SLC12A7: variants seen among roughly 807,000 people sequenced by gnomAD.
SLC12A7 encodes K-Cl cotransporter 4.
In SLC12A7, 100 loss-of-function variants were observed where a neutral mutation model predicts 120.6. The observed-to-expected ratio is 0.83, with a 90% CI of 0.71 to 0.98. SLC12A7 has a LOEUF of 0.98. Among genes scored for constraint, SLC12A7 ranks in the 50% least tolerant of loss-of-function variants. The pLI is 0.00. For missense variants in SLC12A7, 1,373 were observed against 1,548.1 expected, an observed-to-expected ratio of 0.89 and a Z score of 1.90; for synonymous variants, 760 against 678.0, an observed-to-expected ratio of 1.12 and a Z score of -1.88.
rs1382364088 is a variant in SLC12A7, at chr5:1,070,068, CACGGGCATCACACTTAT to C, written c.2241+3548_2241+3564del. ...GTGAGCCCCCAGTGAGCCCCCAGCA[CACGGGCATCACACTTAT>C]GCAGCCCCCAGTGAGCCCCCAGCAC... On this transcript the variant is annotated intron_variant, in intron 17 of 23. Transcript: ENST00000264930. 3.5e-3 allele frequency among the ~76,000 whole-genome samples: 61 copies of C among 17,378 alleles called. 4 individuals carry two copies. Among genetic ancestry groups the C allele is most frequent in the African/African-American group, 0.014 (49 of 3,460 alleles). 11.4% of individuals were successfully genotyped at this position (17,378 alleles called of 152,430 possible).
intron 4 of SLC12A7, 47 bp from the exon 5 acceptor site, chr5:1,088,407 G>A (rs1740126173): frequency 1.9e-6 from 3 of 1,542,332 alleles, no homozygotes; most frequent in Non-Finnish European, 2.6e-6. Context: ...CCAACAGCCT[G>A]CCGGCATCGC....
At chr5:1,129,659 C>T in the SLC12A7 span, among the ~76,000 whole-genome samples, 1,450 of 151,962 alleles carry the variant, frequency 9.5e-3, 13 homozygotes, top group Non-Finnish European at 0.016. Flanking sequence ...AAAGCCCTCA[C>T]GCGGATGAAC....
chr5:1,078,419 C>G (rs1297146639), intron 11 of SLC12A7: 2 of 571,386 alleles, frequency 3.5e-6, no homozygotes, highest in Non-Finnish European at 6.2e-6. Flanking sequence ...TCTCCCAGGG[C>G]CAAGCCTCAC....
intron 11 of SLC12A7, 70 bp from the exon 12 acceptor site, chr5:1,078,077 C>T: frequency 1.3e-6 from 2 of 1,483,528 alleles, no homozygotes. Flanking sequence ...ATGTCTTCTC[C>T]CACCCAGAGC....
At chr5:1,137,130 A>C in the SLC12A7 span, among the ~76,000 whole-genome samples, 1 of 152,190 alleles carries the variant, frequency 6.6e-6, no homozygotes, top group African/African-American at 2.4e-5. Context: ...ACACCCAGCC[A>C]CAGTGAGGCC....
the SLC12A7 span, among the ~76,000 whole-genome samples, chr5:1,126,623 T>C: frequency 6.6e-6 from 1 of 152,198 alleles, no homozygotes; most frequent in African/African-American, 2.4e-5. Flanking sequence ...TCTTTCCTGA[T>C]CCTTCCCCTC....
upstream of SLC12A7, among the ~76,000 whole-genome samples, chr5:1,115,215 C>A (rs77025296): frequency 9.6e-3 from 1,460 of 152,336 alleles, 10 homozygotes; most frequent in African/African-American, 0.026. Flanking sequence ...GCCAGGGGAA[C>A]CCTGGGATTT....
Position 1,089,095 on chromosome 5 carries a change from G to A in SLC12A7, c.376C>T (p.Leu126=). ...CCCAGGATGTTCTGCAGGCACGGCA[G>A]GTAGACGCCGATGAAGGTGCCCATG... ...PRMGTFIGVY[L]PCLQNILGVI... is the part of the protein sequence containing the mutation. The change falls in exon 4 of 24, where the codon CTG becomes TTG. Residue 126 remains leucine, a synonymous_variant. Coordinates refer to ENST00000264930, the MANE Select transcript of SLC12A7 (RefSeq NM_006598.3). 1 of 1,612,904 alleles carries A rather than the reference G, an allele frequency of 6.2e-7. No individual in the cohort carries two copies. The highest frequency in any genetic ancestry group is 8.5e-7 in the Non-Finnish European group (1 of 1,179,974).
intron 1 of SLC12A7, among the ~76,000 whole-genome samples, chr5:1,107,066 T>C (rs951027304): frequency 6.6e-6 from 1 of 152,242 alleles, no homozygotes; most frequent in Non-Finnish European, 1.5e-5. Flanking sequence ...TTTACCCCCA[T>C]GTGTAACACA....
At chr5:1,128,028 C>G in the SLC12A7 span, among the ~76,000 whole-genome samples, 1 of 152,210 alleles carries the variant, frequency 6.6e-6, no homozygotes, top group Non-Finnish European at 1.5e-5. Flanking sequence ...CGCGTGATCT[C>G]TGGTTATTCC....
chr5:1,134,566 T>C, the SLC12A7 span, among the ~76,000 whole-genome samples: 5 of 152,186 alleles, frequency 3.3e-5, no homozygotes, highest in Non-Finnish European at 7.3e-5. Flanking sequence ...CCTTGTCTTC[T>C]ACCGGTGGGA....
chr5:1,107,684 G>C (rs567000985), intron 1 of SLC12A7, among the ~76,000 whole-genome samples: 1 of 152,332 alleles, frequency 6.6e-6, no homozygotes, highest in East Asian at 1.9e-4. Context: ...GAGGCACTGA[G>C]AAAGCCACGC....
chr5:1,052,320 C>A lies in SLC12A7; in HGVS notation c.*40G>T. 1 of 1,559,396 alleles carries A rather than the reference C, an allele frequency of 6.4e-7. No individual in the cohort carries two copies. The highest frequency in any genetic ancestry group is 8.8e-7 in the Non-Finnish European group (1 of 1,131,574). On this transcript the variant is annotated 3_prime_UTR_variant, in exon 24 of 24. Transcript: ENST00000264930. ...CCCAGGCCCAGGCTGCCCACGCCGT[C>A]CTCCGTGCCTGTCCCAGAGTGCCGT...
intron 21 of SLC12A7, among the ~76,000 whole-genome samples, chr5:1,059,787 C>T (rs1735995675): frequency 6.6e-6 from 1 of 151,950 alleles, no homozygotes; most frequent in Admixed American, 6.6e-5. Context: ...GGGTTGGCAA[C>T]TCCCCTCCAG....
the SLC12A7 span, among the ~76,000 whole-genome samples, chr5:1,129,661 C>T: frequency 5.3e-5 from 8 of 151,930 alleles, no homozygotes; most frequent in East Asian, 1.9e-4. Flanking sequence ...AGCCCTCACG[C>T]GGATGAACAC....
the SLC12A7 span, among the ~76,000 whole-genome samples, chr5:1,149,047 C>T: frequency 6.7e-6 from 1 of 149,436 alleles, no homozygotes; most frequent in African/African-American, 2.5e-5. Context: ...CTGTGTCTAC[C>T]GTGAATGATG....
intron 21 of SLC12A7, among the ~76,000 whole-genome samples, chr5:1,060,027 C>T (rs983733849): frequency 1.3e-5 from 2 of 152,228 alleles, no homozygotes; most frequent in African/African-American, 2.4e-5. Context: ...GCACGCTGCT[C>T]GGTTAGAAAA....
intron 1 of SLC12A7, among the ~76,000 whole-genome samples, chr5:1,097,198 T>C (rs904636979): frequency 2.6e-4 from 40 of 152,212 alleles, no homozygotes; most frequent in African/African-American, 9.4e-4. Flanking sequence ...AAGCAACCAC[T>C]GTTTATCTGA....
intron 10 of SLC12A7, 71 bp from the exon 11 acceptor site, chr5:1,078,829 G>GGGGTGGGGT (rs1390068799): frequency 2.0e-5 from 13 of 635,618 alleles, no homozygotes; most frequent in African/African-American, 9.2e-5. Flanking sequence ...GGGGTGGGGT[G>GGGGTGGGGT]GGGTGGGGTG....
Sources: allele counts gnomAD v4.1 joint callset (sites outside exome capture counted in the v4.1 genomes callset), GRCh38; gene constraint gnomAD v4.1.1; transcripts MANE v1.5; gene names NCBI Gene and HGNC (gene_info 2026-07-23, HGNC 2026-07-21).